Variants in MYH10 observed in about 807,000 individuals in gnomAD.
MYH10 encodes the protein myosin-10.
Under a neutral mutation model 257.8 loss-of-function variants are expected in MYH10, and 55 were observed. That is an observed-to-expected ratio of 0.21 (90% CI 0.17 to 0.27). The LOEUF is 0.27. MYH10 is among the 10% of genes least tolerant of loss of function. The probability of loss-of-function intolerance (pLI) is 1.00; values close to 1 mark genes in which losing one functional copy is unlikely to be tolerated. For synonymous variants in MYH10, 854 were observed against 921.7 expected (o/e 0.93, Z 1.33); for missense variants, 1,631 against 2,500.6 (o/e 0.65, Z 7.42).
chr17:8,479,288 A>T (rs1913256263), intron 40 of MYH10, among the ~76,000 whole-genome samples: 2 of 152,184 alleles, frequency 1.3e-5, no homozygotes, highest in Non-Finnish European at 2.9e-5. Flanking sequence ...AGGTGAAACA[A>T]ATCCATGTTT....
At chr17:8,513,328 C>G (rs1389227875) in intron 23 of MYH10, among the ~76,000 whole-genome samples, 1 of 152,194 alleles carries the variant, frequency 6.6e-6, no homozygotes, top group African/African-American at 2.4e-5. Context: ...TTGATTTTAA[C>G]TTCTACAAAT....
At chr17:8,543,550 C>T (rs2151947422) in intron 13 of MYH10, among the ~76,000 whole-genome samples, 1 of 150,618 alleles carries the variant, frequency 6.6e-6, no homozygotes, top group Admixed American at 6.6e-5. Flanking sequence ...TCTTGGCTCA[C>T]TGCAACCTCC....
intron 11 of MYH10, among the ~76,000 whole-genome samples, chr17:8,547,452 C>T (rs2082480562): frequency 1.3e-5 from 2 of 151,920 alleles, no homozygotes; most frequent in Admixed American, 1.3e-4. Context: ...CACAGCTTGG[C>T]CAGAAAATGG....
At chr17:8,493,120 G>A (rs980268742) in intron 32 of MYH10, 96 bp from the exon 33 acceptor site, 1 of 1,396,918 alleles carries the variant, frequency 7.2e-7, no homozygotes, top group African/African-American at 1.4e-5. Flanking sequence ...AGCACTTTGG[G>A]AGGCCGAGGC....
chr17:8,574,313 G>A (rs767877462), intron 6 of MYH10, among the ~76,000 whole-genome samples: 15 of 152,300 alleles, frequency 9.8e-5, no homozygotes, highest in South Asian at 4.2e-4. Context: ...CCATTCACAC[G>A]AAATGTCTAG....
rs556661722 is a variant in MYH10, at chr17:8,516,104, C to T, written c.2505-2210G>A. ...GAATGAGGCAGCTGGTTTCCTTCTCCGCAGTGGTCGGCTGATTTCTATTAC... is the reference window on the plus strand; with the variant it reads ...GAATGAGGCAGCTGGTTTCCTTCTCTGCAGTGGTCGGCTGATTTCTATTAC... On this transcript the variant is annotated intron_variant, in intron 21 of 42. Coordinates refer to ENST00000360416, the MANE Select transcript of MYH10 (RefSeq NM_001256012.3). Among the ~76,000 whole-genome samples the T allele has an allele frequency of 4.6e-5, 7 of 152,294 alleles. No homozygotes were observed. In the East Asian group the frequency reaches 1.2e-3, roughly 25 times the overall value.
intron 13 of MYH10, among the ~76,000 whole-genome samples, chr17:8,544,942 C>A (rs1481606128): frequency 6.6e-6 from 1 of 152,194 alleles, no homozygotes; most frequent in African/African-American, 2.4e-5. Flanking sequence ...GATTCCCCAG[C>A]CAAGCCCCCG....
chr17:8,614,366 A>G (rs1361117547), intron 2 of MYH10, among the ~76,000 whole-genome samples: 1 of 117,618 alleles, frequency 8.5e-6, no homozygotes, highest in African/African-American at 3.4e-5. Context: ...TTCAAGCTGG[A>G]GTGGTGCAGT....
At position 8,480,458 on chromosome 17, in the gene MYH10, C is replaced by T. The variant is rs1426753946; in HGVS notation, c.5332G>A (p.Glu1778Lys). Reference sequence around the variant, plus strand: ...AGCAGCTCCATGTTGCTCTGCTCCTCTTCCAGCTCCTCCTCCAGCTGTGCG... The same window carrying T: ...AGCAGCTCCATGTTGCTCTGCTCCTTTTCCAGCTCCTCCTCCAGCTGTGCG... ...RIAQLEEELE[E>K]EQSNMELLND... The change falls in exon 39 of 43, where the codon GAG becomes AAG. Residue 1778 changes from glutamate (E) to lysine (K), a missense_variant. Glu to Lys is a moderately conservative substitution (Grantham distance 56). Coordinates refer to ENST00000360416, the MANE Select transcript of MYH10 (RefSeq NM_001256012.3). 1.2e-6 allele frequency: 2 copies of T among 1,612,814 alleles called. No individual in the cohort carries two copies. Among genetic ancestry groups the T allele is most frequent in the Middle Eastern group, 1.7e-4 (1 of 6,058 alleles).
At chr17:8,511,067 TACATACATAC>T (rs1050427489) in intron 24 of MYH10, 1 of 51,544 alleles carries the variant, frequency 1.9e-5, no homozygotes, top group Non-Finnish European at 3.8e-5. Context: ...TATACACACA[TACATACATAC>T]ACACACACAC....
chr17:8,598,528 A>G (rs1490261720), intron 3 of MYH10, among the ~76,000 whole-genome samples: 5 of 152,224 alleles, frequency 3.3e-5, no homozygotes, highest in Non-Finnish European at 5.9e-5. Flanking sequence ...GACACACAGA[A>G]AAAAAGCAAT....
intron 14 of MYH10, among the ~76,000 whole-genome samples, chr17:8,541,162 G>A (rs976178145): frequency 6.6e-6 from 1 of 152,156 alleles, no homozygotes; most frequent in Non-Finnish European, 1.5e-5. Context: ...TGCAGGTACT[G>A]TACCATCCAT....
rs905499030 is a variant in MYH10 at position 8,625,383 on chromosome 17, C to A, written c.-31-2106G>T. On this transcript the variant is annotated intron_variant, in intron 1 of 42. Coordinates refer to ENST00000360416, the MANE Select transcript of MYH10 (RefSeq NM_001256012.3). ...TATAGTAGCGGCTGTCAAATTCAGG[C>A]ATGCATTTGCAGCACCTAGAGGGTT... 8.0e-4 allele frequency among the ~76,000 whole-genome samples: 122 copies of A among 152,348 alleles called. 1 individual carries two copies. Among genetic ancestry groups the A allele is most frequent in the East Asian group, 5.8e-4 (3 of 5,188 alleles).
At chr17:8,496,801 C>T (rs1344802372) in intron 30 of MYH10, among the ~76,000 whole-genome samples, 2 of 152,302 alleles carry the variant, frequency 1.3e-5, no homozygotes, top group East Asian at 3.9e-4. Flanking sequence ...TTGAATTTAG[C>T]AAGAGTTCCC....
chr17:8,546,920 C>A (rs921828328), intron 11 of MYH10, among the ~76,000 whole-genome samples: 42 of 152,098 alleles, frequency 2.8e-4, no homozygotes, highest in Middle Eastern at 3.2e-3. Context: ...TTTTTAGAGG[C>A]AGGTTCTCAC....
chr17:8,553,315 G>A (rs906506365), intron 8 of MYH10, among the ~76,000 whole-genome samples: 5 of 152,126 alleles, frequency 3.3e-5, no homozygotes, highest in Non-Finnish European at 7.4e-5. Flanking sequence ...TAGAAATAAT[G>A]TATTTCTATC....
intron 4 of MYH10, among the ~76,000 whole-genome samples, chr17:8,583,032 A>C (rs2083767551): frequency 6.6e-6 from 1 of 152,072 alleles, no homozygotes; most frequent in South Asian, 2.1e-4. Context: ...CAGTTTCCAA[A>C]CTCTCTTTAG....
At chr17:8,622,825 T>C in intron 2 of MYH10, 77 bp downstream of exon 2, 2 of 1,475,930 alleles carry the variant, frequency 1.4e-6, no homozygotes, top group South Asian at 1.2e-5. Flanking sequence ...CACATTCTCA[T>C]TTGATTATGA....
At chr17:8,530,235 A>G (rs1466641047) in intron 17 of MYH10, among the ~76,000 whole-genome samples, 1 of 152,232 alleles carries the variant, frequency 6.6e-6, no homozygotes, top group African/African-American at 2.4e-5. Context: ...AGGTGACTCA[A>G]AAGCAAAGGA....
Sources: gnomAD v4.1 joint callset for allele counts (sites outside exome capture counted in the v4.1 genomes callset) on GRCh38, gnomAD v4.1.1 for gene constraint, MANE v1.5 for transcripts, NCBI Gene and HGNC (gene_info 2026-07-23, HGNC 2026-07-21) for gene names.